Variants in PCGF6 observed in about 807,000 individuals in gnomAD.
The protein encoded by PCGF6 is polycomb group RING finger protein 6.
In PCGF6, 24 loss-of-function variants were observed where a neutral mutation model predicts 45.5. The ratio of observed to expected loss-of-function variants is 0.53; its 90% CI spans 0.38 to 0.74. The LOEUF is 0.74. Ranked by LOEUF, PCGF6 falls within the 30% of genes least tolerant of loss-of-function variation. The pLI is 0.00. For synonymous variants in PCGF6, 152 were observed against 162.1 expected (o/e 0.94, Z 0.47); for missense variants, 356 against 443.2 (o/e 0.80, Z 1.77).
intron 5 of PCGF6, among the ~76,000 whole-genome samples, chr10:103,346,609 C>CA: frequency 6.6e-6 from 1 of 151,668 alleles, no homozygotes; most frequent in Non-Finnish European, 1.5e-5. Context: ...GGTGACATCT[C>CA]AAAAAATAAT....
At chr10:103,305,057 G>A (rs2093133287) in intron 9 of PCGF6, among the ~76,000 whole-genome samples, 1 of 151,980 alleles carries the variant, frequency 6.6e-6, no homozygotes, top group South Asian at 2.1e-4. Context: ...CAATCTCCCA[G>A]GCTCAAGTGA....
chr10:103,312,932 G>A (rs986144527), intron 9 of PCGF6, among the ~76,000 whole-genome samples: 2 of 152,048 alleles, frequency 1.3e-5, no homozygotes, highest in African/African-American at 4.8e-5. Context: ...CTGCACTCCA[G>A]CCTGGGCGAC....
chr10:103,343,564 C>G (rs1273153560), intron 6 of PCGF6, among the ~76,000 whole-genome samples: 2 of 151,940 alleles, frequency 1.3e-5, no homozygotes, highest in Non-Finnish European at 2.9e-5. Context: ...TCTAGCAGGG[C>G]ACGGTGGCTC....
chr10:103,310,927 T>C (rs894722553), intron 9 of PCGF6, among the ~76,000 whole-genome samples: 5 of 152,062 alleles, frequency 3.3e-5, no homozygotes, highest in African/African-American at 1.2e-4. Context: ...TCTTGAAGTG[T>C]TGGACTCAAA....
chr10:103,346,931 T>A (rs2093301915), intron 5 of PCGF6, among the ~76,000 whole-genome samples: 1 of 152,214 alleles, frequency 6.6e-6, no homozygotes, highest in Middle Eastern at 3.2e-3. Flanking sequence ...CTCAATATAT[T>A]TTTTTAAATG....
chr10:103,326,746 G>T, intron 7 of PCGF6, 114 bp from the exon 8 acceptor site: 1 of 620,400 alleles, frequency 1.6e-6, no homozygotes, highest in Non-Finnish European at 2.5e-6. Context: ...TAGCGAAGAT[G>T]ATTCAATAGA....
chr10:103,306,839 C>A (rs1448949741), intron 9 of PCGF6, among the ~76,000 whole-genome samples: 2 of 152,208 alleles, frequency 1.3e-5, no homozygotes, highest in African/African-American at 2.4e-5. Context: ...TGCAGGGGCT[C>A]ATGCCTATAA....
Position 103,348,174 on chromosome 10 carries a change from T to C in PCGF6, c.557+542A>G, listed in dbSNP as rs931361869. ...AATGAAAAGCCTAAACTAGCCTCAT[T>C]AACCTGAGTAAGTGATGGGATTAAA... On this transcript the variant is annotated intron_variant, in intron 3 of 9. Coordinates refer to ENST00000369847, the MANE Select transcript of PCGF6 (RefSeq NM_001011663.2). 2.6e-5 allele frequency among the ~76,000 whole-genome samples: 4 copies of C among 152,156 alleles called. No individual in the cohort carries two copies. The East Asian group carries it at 5.8e-4, about 22-fold the overall frequency.
chr10:103,304,483 C>T (rs542745912), intron 9 of PCGF6, among the ~76,000 whole-genome samples: 33 of 151,998 alleles, frequency 2.2e-4, no homozygotes, highest in East Asian at 2.1e-3. Flanking sequence ...TGCAATTACA[C>T]GTGCGTGCTA....
At chr10:103,342,816 C>T (rs967658302) in intron 6 of PCGF6, among the ~76,000 whole-genome samples, 6 of 152,172 alleles carry the variant, frequency 3.9e-5, no homozygotes, top group Admixed American at 3.3e-4. Context: ...ATAGAAATTG[C>T]TGGATTAAAA....
chr10:103,315,527 T>C (rs1053101161), intron 8 of PCGF6, among the ~76,000 whole-genome samples: 3 of 152,102 alleles, frequency 2.0e-5, no homozygotes, highest in African/African-American at 4.8e-5. Flanking sequence ...GCCCAGCTTA[T>C]TTTTTGTATT....
At chr10:103,323,631 C>T (rs527751756) in intron 8 of PCGF6, among the ~76,000 whole-genome samples, 3 of 148,256 alleles carry the variant, frequency 2.0e-5, no homozygotes, top group South Asian at 4.3e-4. Context: ...TCCCTCTTGT[C>T]GCCCAGGTTG....
chr10:103,339,289 CT>C (rs2093269749), intron 6 of PCGF6, among the ~76,000 whole-genome samples: 2 of 152,052 alleles, frequency 1.3e-5, no homozygotes, highest in African/African-American at 4.8e-5. Flanking sequence ...GCTCAGGAGG[CT>C]GAGGCGAGAG....
intron 6 of PCGF6, among the ~76,000 whole-genome samples, chr10:103,336,590 T>C (rs2093258184): frequency 6.6e-6 from 1 of 152,124 alleles, no homozygotes; most frequent in African/African-American, 2.4e-5. Flanking sequence ...ATTGCTTGCT[T>C]GCGGCCAGGT....
rs778299421 is a variant in PCGF6 at position 103,347,270 on chromosome 10, T to C, written c.641A>G (p.Tyr214Cys). The C allele has an allele frequency of 8.7e-6, 14 of 1,609,380 alleles. No homozygotes were observed. Among genetic ancestry groups the C allele is most frequent in the African/African-American group, 1.3e-5 (1 of 74,814 alleles). Residue 214 changes from tyrosine (Y) to cysteine (C), a missense_variant, in exon 5 of 10, where the codon TAT becomes TGT. Coordinates refer to ENST00000369847, the MANE Select transcript of PCGF6 (RefSeq NM_001011663.2). ...EREKKQMHDF[Y>C]KERGLEVPKP... ...AGGTACTTCTAGACCTCTTTCTTTATAGAAATCATGCATTTGCTTTTTTTC... is the reference window on the plus strand; with the variant it reads ...AGGTACTTCTAGACCTCTTTCTTTACAGAAATCATGCATTTGCTTTTTTTC...
intron 8 of PCGF6, among the ~76,000 whole-genome samples, chr10:103,318,957 A>G (rs2093186465): frequency 6.6e-6 from 1 of 152,102 alleles, no homozygotes; most frequent in Non-Finnish European, 1.5e-5. Context: ...ATAATATCTT[A>G]CCCTCTGGAG....
At chr10:103,317,946 C>G (rs1356662905) in intron 8 of PCGF6, among the ~76,000 whole-genome samples, 4 of 150,930 alleles carry the variant, frequency 2.7e-5, no homozygotes, top group South Asian at 4.2e-4. Flanking sequence ...TTAGTAGACA[C>G]GGGGTTTCTC....
At chr10:103,326,746 G>A (rs2093220438) in intron 7 of PCGF6, 114 bp from the exon 8 acceptor site, 2 of 620,400 alleles carry the variant, frequency 3.2e-6, no homozygotes, top group Non-Finnish European at 5.1e-6. Flanking sequence ...TAGCGAAGAT[G>A]ATTCAATAGA....
rs2133548129 is a variant in PCGF6, at chr10:103,302,941, A to G, written c.*964T>C. 1 of 152,654 alleles carries G rather than the reference A, an allele frequency of 6.6e-6. No individual in the cohort carries two copies. Among genetic ancestry groups the G allele is most frequent in the Non-Finnish European group, 1.5e-5 (1 of 68,032 alleles). 9.5% of individuals were successfully genotyped at this position (152,654 alleles called of 1,614,324 possible). ...TGCTGTTAAACAGGATTTATAAAAT[A>G]TTTCTTTCAGAAAGCATCACAATGC... On this transcript the variant is annotated 3_prime_UTR_variant, in exon 10 of 10. Coordinates refer to ENST00000369847, the MANE Select transcript of PCGF6 (RefSeq NM_001011663.2).
Sources: gnomAD v4.1 joint callset for allele counts (sites outside exome capture counted in the v4.1 genomes callset) on GRCh38, gnomAD v4.1.1 for gene constraint, MANE v1.5 for transcripts, NCBI Gene and HGNC (gene_info 2026-07-23, HGNC 2026-07-21) for gene names.